Variants in PEX14 observed in about 807,000 individuals in gnomAD.
The protein encoded by PEX14 is peroxisomal membrane protein PEX14.
In PEX14, 15 loss-of-function variants were observed where a neutral mutation model predicts 49.5. That is an observed-to-expected ratio of 0.30 (90% CI 0.20 to 0.47). The LOEUF is 0.47. Ranked by LOEUF, PEX14 falls within the 20% of genes least tolerant of loss-of-function variation. The pLI is 1.00. For missense variants in PEX14, 398 were observed against 494.8 expected (o/e 0.80, Z 1.86); for synonymous variants, 210 against 212.7 (o/e 0.99, Z 0.11).
chr1:10,581,563 C>G (rs938951963), intron 3 of PEX14, among the ~76,000 whole-genome samples: 3 of 151,738 alleles, frequency 2.0e-5, no homozygotes, highest in Non-Finnish European at 4.4e-5. Context: ...CTTGGCCTCC[C>G]AAAGTGCTGG....
chr1:10,568,363 T>A (rs1639874515), intron 3 of PEX14, among the ~76,000 whole-genome samples: 1 of 129,560 alleles, frequency 7.7e-6, no homozygotes, highest in Admixed American at 8.1e-5. Context: ...ATAATCATAT[T>A]CAGGAAGTAT....
chr1:10,553,484 G>A (rs1477236555), intron 3 of PEX14, among the ~76,000 whole-genome samples: 2 of 152,326 alleles, frequency 1.3e-5, no homozygotes, highest in Admixed American at 1.3e-4. Flanking sequence ...CAGGGTGACC[G>A]TTAAGCTTGT....
chr1:10,495,315 G>A lies in PEX14; in HGVS notation c.78G>A (p.Glu26=), dbSNP rs144664869. The A allele has an allele frequency of 8.7e-4, 1,407 of 1,613,358 alleles. 30 individuals carry two copies. The East Asian group carries it at 0.028, about 32-fold the overall frequency. Residue 26 remains glutamate, a synonymous_variant, in exon 2 of 9, where the codon GAG becomes GAA. Coordinates refer to ENST00000356607, the MANE Select transcript of PEX14 (RefSeq NM_004565.3). This position sits in a 1 kb window ranked among gnomAD's most constrained non-coding sequence, Gnocchi z 4.2. The part of the protein sequence containing the change: ...TPGSENVLPR[E]PLIATAVKFL... ...GAAGTGAAAATGTGCTGCCTCGAGA[G>A]CCGCTGGTAAGTACCCAAGATATGT...
rs943241709 is a variant in PEX14, at chr1:10,630,197, C to T, written c.*210C>T. On this transcript the variant is annotated 3_prime_UTR_variant, in exon 9 of 9. Coordinates refer to ENST00000356607, the MANE Select transcript of PEX14 (RefSeq NM_004565.3). The surrounding 1 kb of genome is among the most constrained non-coding windows in gnomAD (Gnocchi z 4.1). ...CTCGCCTGGCCGCCAGCCCCAGCCCCAGCCCCAGCCCCAGGCCCAGCTGCC... is the reference window on the plus strand; with the variant it reads ...CTCGCCTGGCCGCCAGCCCCAGCCCTAGCCCCAGCCCCAGGCCCAGCTGCC... 8.3e-6 allele frequency: 6 copies of T among 721,054 alleles called. No homozygotes were observed. In the Admixed American group the frequency reaches 8.7e-5, roughly 11 times the overall value. The allele number at this position is 721,054 out of a possible 1,614,324, so 44.7% of individuals were successfully genotyped here.
At chr1:10,627,214 C>A in intron 7 of PEX14, 58 bp from the exon 8 acceptor site, 1 of 1,187,774 alleles carries the variant, frequency 8.4e-7, no homozygotes, top group Non-Finnish European at 1.3e-6. Context: ...CCTGCAGCCG[C>A]AGGCCCCGCC....
At chr1:10,506,687 G>A (rs1214804199) in intron 2 of PEX14, among the ~76,000 whole-genome samples, 7 of 152,236 alleles carry the variant, frequency 4.6e-5, no homozygotes, top group South Asian at 2.1e-4. Context: ...AGGTGTGAGC[G>A]AGATGACAGT....
At chr1:10,477,379 A>G (rs1641214557) in intron 1 of PEX14, among the ~76,000 whole-genome samples, 1 of 152,144 alleles carries the variant, frequency 6.6e-6, no homozygotes, top group Non-Finnish European at 1.5e-5. Context: ...CAAAACTTGA[A>G]CTTTTCATAA....
intron 3 of PEX14, among the ~76,000 whole-genome samples, chr1:10,543,841 CCTT>C (rs1479430852): frequency 1.3e-5 from 2 of 152,188 alleles, no homozygotes; most frequent in African/African-American, 2.4e-5. Context: ...CTCAAGTCAT[CCTT>C]CTGCCTTGCC....
chr1:10,594,117 A>G (rs1344336532), intron 3 of PEX14, among the ~76,000 whole-genome samples: 1 of 152,148 alleles, frequency 6.6e-6, no homozygotes, highest in Non-Finnish European at 1.5e-5. Context: ...TCATCCTACG[A>G]CTTTTAGAGG....
intron 2 of PEX14, among the ~76,000 whole-genome samples, chr1:10,530,234 T>C (rs1476545396): frequency 6.6e-6 from 1 of 152,220 alleles, no homozygotes; most frequent in Admixed American, 6.5e-5. Context: ...TCATTTTTAA[T>C]GAGCAATTTT....
intron 2 of PEX14, among the ~76,000 whole-genome samples, chr1:10,502,928 G>A (rs527490937): frequency 1.9e-4 from 28 of 151,222 alleles, no homozygotes; most frequent in African/African-American, 5.1e-4. Flanking sequence ...CTCCCCAGTA[G>A]CTGGGACTAC....
At chr1:10,488,714 A>G (rs1413603527) in intron 1 of PEX14, among the ~76,000 whole-genome samples, 1 of 150,824 alleles carries the variant, frequency 6.6e-6, no homozygotes, top group Non-Finnish European at 1.5e-5. Flanking sequence ...CGTGTTAGCC[A>G]GGATGGTCTC....
At chr1:10,591,711 A>G (rs1278674879) in intron 3 of PEX14, among the ~76,000 whole-genome samples, 5 of 147,184 alleles carry the variant, frequency 3.4e-5, no homozygotes, top group African/African-American at 1.3e-4. Context: ...GTTTTCCCCC[A>G]TGCTCCTGAT....
At chr1:10,560,426 T>C (rs956170705) in intron 3 of PEX14, among the ~76,000 whole-genome samples, 1 of 152,012 alleles carries the variant, frequency 6.6e-6, no homozygotes, top group Admixed American at 6.6e-5. Context: ...CCCAATTACC[T>C]TTTCTTTCTT....
chr1:10,535,409 A>G (rs1557831977), intron 2 of PEX14, among the ~76,000 whole-genome samples: 1 of 152,222 alleles, frequency 6.6e-6, no homozygotes, highest in African/African-American at 2.4e-5. Context: ...TCAATCTGTC[A>G]GCTTTTAGCC....
chr1:10,614,743 G>A (rs1030892788), intron 4 of PEX14, among the ~76,000 whole-genome samples: 1 of 152,224 alleles, frequency 6.6e-6, no homozygotes, highest in Non-Finnish European at 1.5e-5. Flanking sequence ...TGTTCTGCCT[G>A]AGGATTTTGG....
intron 2 of PEX14, among the ~76,000 whole-genome samples, chr1:10,509,506 C>G (rs1022916585): frequency 6.6e-6 from 1 of 152,006 alleles, no homozygotes; most frequent in South Asian, 2.1e-4. Context: ...AACTTCAGTT[C>G]CAGTGAAATC....
intron 5 of PEX14, among the ~76,000 whole-genome samples, chr1:10,621,553 G>T (rs1055288852): frequency 6.6e-6 from 1 of 152,024 alleles, no homozygotes; most frequent in Non-Finnish European, 1.5e-5. Context: ...CACTGTGTTG[G>T]CCAGGCTGGT....
At chr1:10,515,105 G>A (rs1226004911) in intron 2 of PEX14, among the ~76,000 whole-genome samples, 1 of 152,172 alleles carries the variant, frequency 6.6e-6, no homozygotes, top group African/African-American at 2.4e-5. Flanking sequence ...ATCTGTGCCA[G>A]GCTTCACCAC....
Sources: allele counts gnomAD v4.1 joint callset (sites outside exome capture counted in the v4.1 genomes callset), GRCh38; gene constraint gnomAD v4.1.1; non-coding constraint Gnocchi (gnomAD v3.1); transcripts MANE v1.5; gene names NCBI Gene and HGNC (gene_info 2026-07-23, HGNC 2026-07-21).